ABLIM2: variants seen among roughly 807,000 people sequenced by gnomAD.
ABLIM2 encodes actin-binding LIM protein 2.
In ABLIM2, 53 loss-of-function variants were observed where a neutral mutation model predicts 97.7. The observed-to-expected ratio is 0.54, with a 90% CI of 0.44 to 0.68. The LOEUF (loss-of-function observed/expected upper bound fraction) is 0.68, where lower values mean the gene tolerates loss of function less well. Among genes scored for constraint, ABLIM2 ranks in the 30% least tolerant of loss-of-function variants. ABLIM2 has a pLI of 0.00. For synonymous variants in ABLIM2, 361 were observed against 345.8 expected (o/e 1.04, Z -0.49); for missense variants, 835 against 867.2 (o/e 0.96, Z 0.47).
intron 20 of ABLIM2, among the ~76,000 whole-genome samples, chr4:7,967,531 G>C (rs576856670): frequency 7.9e-5 from 12 of 152,268 alleles, no homozygotes; most frequent in Non-Finnish European, 1.5e-4. Flanking sequence ...GTTTACCCCC[G>C]GGACTTCGTA....
chr4:8,158,807 C>A lies in ABLIM2; in HGVS notation c.-118G>T, dbSNP rs1032808544. On this transcript the variant is annotated 5_prime_UTR_variant, in exon 1 of 21. Coordinates refer to ENST00000447017, the MANE Select transcript of ABLIM2 (RefSeq NM_001130083.2). ...CCGCCGGCTCCGCGCCCGCTCCTTGCGCACACGCCAGGCAGCGCCGCCGCA... is the reference window on the plus strand; with the variant it reads ...CCGCCGGCTCCGCGCCCGCTCCTTGAGCACACGCCAGGCAGCGCCGCCGCA... The A allele has an allele frequency of 1.3e-4, 124 of 938,886 alleles. 1 individual carries two copies. The African/African-American group carries it at 2.0e-3, about 15-fold the overall frequency. The allele number at this position is 938,886 out of a possible 1,614,324, so 58.2% of individuals were successfully genotyped here. A position where few individuals can be genotyped will look rare whatever the true frequency, so the allele number is the denominator to read the frequency against.
intron 14 of ABLIM2, among the ~76,000 whole-genome samples, chr4:8,012,486 T>TCATC (rs1231789277): frequency 2.0e-4 from 24 of 120,722 alleles, no homozygotes; most frequent in Admixed American, 1.9e-3. Flanking sequence ...CATCCTTCAC[T>TCATC]CATCCATCCA....
At chr4:8,114,848 A>G (rs1445118679) in intron 1 of ABLIM2, among the ~76,000 whole-genome samples, 1 of 152,204 alleles carries the variant, frequency 6.6e-6, no homozygotes, top group African/African-American at 2.4e-5. Flanking sequence ...AAGAGCACAC[A>G]GGAAGCTCAT....
intron 1 of ABLIM2, among the ~76,000 whole-genome samples, chr4:8,142,453 C>T (rs1026453308): frequency 3.9e-5 from 6 of 152,200 alleles, no homozygotes; most frequent in East Asian, 3.9e-4. Flanking sequence ...CCTGGTCACC[C>T]GGCTTCCCCA....
At chr4:7,993,594 T>A (rs1750690290) in intron 16 of ABLIM2, among the ~76,000 whole-genome samples, 1 of 152,110 alleles carries the variant, frequency 6.6e-6, no homozygotes, top group Non-Finnish European at 1.5e-5. Context: ...GGAGGATCCC[T>A]TGAGCCCAGG....
rs980590187 is a variant in ABLIM2 at position 8,043,091 on chromosome 4, G to A, written c.900+2073C>T. 1.1e-4 allele frequency among the ~76,000 whole-genome samples: 17 copies of A among 152,120 alleles called. No individual in the cohort carries two copies. The highest frequency in any genetic ancestry group is 2.2e-4 in the Non-Finnish European group (15 of 68,032). ...GCCTGAGCCCGGGGAGGTTGAGGCT[G>A]CCATGAGCCATGATCTCACCACTGC... is the stretch of plus-strand genomic sequence containing the variant. On this transcript the variant is annotated intron_variant, in intron 9 of 20. Transcript: ENST00000447017. This position sits in a 1 kb window ranked among gnomAD's most constrained non-coding sequence, Gnocchi z 4.8.
intron 20 of ABLIM2, among the ~76,000 whole-genome samples, chr4:7,974,729 C>T (rs1338491554): frequency 6.6e-6 from 1 of 152,108 alleles, no homozygotes; most frequent in African/African-American, 2.4e-5. Flanking sequence ...ACCCATCCAT[C>T]CACCCACCCA....
At chr4:8,145,745 T>TACACACACACACACACAC (rs34195989) in intron 1 of ABLIM2, among the ~76,000 whole-genome samples, 2 of 138,578 alleles carry the variant, frequency 1.4e-5, no homozygotes, top group African/African-American at 5.4e-5. Context: ...TACACACTCA[T>TACACACACACACACACAC]ACACACACAC....
rs1753188823 is a variant in ABLIM2, at chr4:7,996,183, G to C, written c.1619-3256C>G. On this transcript the variant is annotated intron_variant, in intron 16 of 20. Coordinates refer to ENST00000447017, the MANE Select transcript of ABLIM2 (RefSeq NM_001130083.2). This position sits in a 1 kb window ranked among gnomAD's most constrained non-coding sequence, Gnocchi z 4.5. ...CCCAACCTTGCCAGGGAACTCGTCA[G>C]AAATGCAAATTAGTGGGCCCTACCC... Among the ~76,000 whole-genome samples the C allele has an allele frequency of 6.6e-6, 1 of 152,230 alleles. No homozygotes were observed. The highest frequency in any genetic ancestry group is 6.5e-5 in the Admixed American group (1 of 15,286).
At position 8,071,249 on chromosome 4, in the gene ABLIM2, C is replaced by T. The variant is rs1416379232; in HGVS notation, c.675+6379G>A. Among the ~76,000 whole-genome samples, 1 of 152,298 alleles carries T rather than the reference C, an allele frequency of 6.6e-6. No homozygotes were observed. The highest frequency in any genetic ancestry group is 1.9e-4 in the East Asian group (1 of 5,174). The stretch of plus-strand genomic sequence containing the variant: ...CTCTGCTGCCCCAGCCCAGTGCCTC[C>T]CCCATCCCTAGCCAGCCATCCCGGC... On this transcript the variant is annotated intron_variant, in intron 6 of 20. Coordinates refer to ENST00000447017, the MANE Select transcript of ABLIM2 (RefSeq NM_001130083.2). The surrounding 1 kb of genome is among the most constrained non-coding windows in gnomAD (Gnocchi z 6.2).
rs1374773513 is a variant in ABLIM2, at chr4:8,071,058, G to A, written c.675+6570C>T. 6.6e-6 allele frequency among the ~76,000 whole-genome samples: 1 copy of A among 152,154 alleles called. No individual in the cohort carries two copies. Among genetic ancestry groups the A allele is most frequent in the Non-Finnish European group, 1.5e-5 (1 of 68,010 alleles). On this transcript the variant is annotated intron_variant, in intron 6 of 20. Coordinates refer to ENST00000447017, the MANE Select transcript of ABLIM2 (RefSeq NM_001130083.2). This position sits in a 1 kb window ranked among gnomAD's most constrained non-coding sequence, Gnocchi z 6.2. ...TGGGGCTCTGAACACATGGCCAGTGGCTTCTCCTCATCCACACCTCCTCCC... is the reference window on the plus strand; with the variant it reads ...TGGGGCTCTGAACACATGGCCAGTGACTTCTCCTCATCCACACCTCCTCCC...
intron 14 of ABLIM2, chr4:8,010,336 A>C: frequency 6.1e-6 from 6 of 980,444 alleles, no homozygotes; most frequent in Non-Finnish European, 7.3e-6. Flanking sequence ...CACTGACCCC[A>C]TGCACTGAAC....
At chr4:8,111,502 A>C (rs1463045127) in intron 1 of ABLIM2, among the ~76,000 whole-genome samples, 1 of 152,264 alleles carries the variant, frequency 6.6e-6, no homozygotes, top group African/African-American at 2.4e-5. Context: ...ACGTTGGTAC[A>C]GTTACAACAA....
rs982551000 is a variant in ABLIM2, at chr4:7,996,338, C to T, written c.1619-3411G>A. On this transcript the variant is annotated intron_variant, in intron 16 of 20. Coordinates refer to ENST00000447017, the MANE Select transcript of ABLIM2 (RefSeq NM_001130083.2). This position sits in a 1 kb window ranked among gnomAD's most constrained non-coding sequence, Gnocchi z 4.5. Reference sequence around the variant, plus strand: ...AGAACACCCTTGGTGGTGTCCTGCACCCCTCTTAAGCCCGAAGGCCTCTAC... The same window carrying T: ...AGAACACCCTTGGTGGTGTCCTGCATCCCTCTTAAGCCCGAAGGCCTCTAC... Among the ~76,000 whole-genome samples the T allele has an allele frequency of 6.6e-6, 1 of 152,202 alleles. No individual in the cohort carries two copies. Among genetic ancestry groups the T allele is most frequent in the African/African-American group, 2.4e-5 (1 of 41,458 alleles).
intron 1 of ABLIM2, among the ~76,000 whole-genome samples, chr4:8,153,671 CG>C (rs1713901880): frequency 6.6e-6 from 1 of 152,150 alleles, no homozygotes; most frequent in Non-Finnish European, 1.5e-5. Context: ...ACGGAATCGC[CG>C]GGCTTCTCCC....
At position 8,003,093 on chromosome 4, in the gene ABLIM2, C is replaced by T. The variant is rs1014576388; in HGVS notation, c.1618+4966G>A. 1.3e-5 allele frequency among the ~76,000 whole-genome samples: 2 copies of T among 152,200 alleles called. No homozygotes were observed. Among genetic ancestry groups the T allele is most frequent in the African/African-American group, 4.8e-5 (2 of 41,452 alleles). On this transcript the variant is annotated intron_variant, in intron 16 of 20. Transcript: ENST00000447017. The surrounding 1 kb of genome is among the most constrained non-coding windows in gnomAD (Gnocchi z 4.2). ...TCTGTCCCCAGCACCCAGGACAGCA[C>T]CGGAACACACCAAGCACTCATGAAA...
At chr4:7,971,427 G>T (rs551051169) in intron 20 of ABLIM2, among the ~76,000 whole-genome samples, 1 of 152,302 alleles carries the variant, frequency 6.6e-6, no homozygotes, top group Admixed American at 6.5e-5. Flanking sequence ...CCTCACTGCT[G>T]AGGTGCACTG....
intron 6 of ABLIM2, among the ~76,000 whole-genome samples, chr4:8,066,262 C>A (rs1157508752): frequency 6.8e-6 from 1 of 146,054 alleles, no homozygotes; most frequent in Non-Finnish European, 1.5e-5. Flanking sequence ...GCCGAGATAG[C>A]GCCAGTGCAC....
At chr4:8,156,519 G>C (rs1049243514) in intron 1 of ABLIM2, among the ~76,000 whole-genome samples, 2 of 152,248 alleles carry the variant, frequency 1.3e-5, no homozygotes, top group South Asian at 4.1e-4. Flanking sequence ...ATCCACACCT[G>C]GGTCATCCTG....
Sources: gnomAD v4.1 joint callset for allele counts (sites outside exome capture counted in the v4.1 genomes callset) on GRCh38, gnomAD v4.1.1 for gene constraint, Gnocchi (gnomAD v3.1) non-coding constraint, MANE v1.5 for transcripts, NCBI Gene and HGNC (gene_info 2026-07-23, HGNC 2026-07-21) for gene names.